Variants in RALGAPA1 observed in about 807,000 individuals in gnomAD.
RALGAPA1 encodes Ral GTPase activating protein catalytic subunit alpha 1.
RALGAPA1 carries 52 observed loss-of-function variants against 269.6 expected under a neutral mutation model. The ratio of observed to expected loss-of-function variants is 0.19; its 90% CI spans 0.15 to 0.24. The LOEUF (loss-of-function observed/expected upper bound fraction) is 0.24, where lower values mean the gene tolerates loss of function less well. Among genes scored for constraint, RALGAPA1 ranks in the 10% least tolerant of loss-of-function variants. The pLI, the probability that RALGAPA1 is intolerant of heterozygous loss-of-function variation, is 1.00. For synonymous variants in RALGAPA1, 817 were observed against 1,008.3 expected, an observed-to-expected ratio of 0.81 and a Z score of 3.60; for missense variants, 1,917 against 3,013.9, an observed-to-expected ratio of 0.64 and a Z score of 8.52.
intron 21 of RALGAPA1, among the ~76,000 whole-genome samples, chr14:35,680,371 C>T (rs551918699): frequency 1.3e-5 from 2 of 151,782 alleles, no homozygotes; most frequent in African/African-American, 4.8e-5. Flanking sequence ...CCATGCCTGG[C>T]TAATTTTTTG....
At chr14:35,737,929 A>C (rs2071175749) in intron 12 of RALGAPA1, among the ~76,000 whole-genome samples, 2 of 149,836 alleles carry the variant, frequency 1.3e-5, no homozygotes, top group Admixed American at 6.7e-5. Flanking sequence ...CTCCACTAAA[A>C]ATACAAAAAT....
intron 1 of RALGAPA1, among the ~76,000 whole-genome samples, chr14:35,782,351 T>C (rs1028008481): frequency 2.0e-5 from 3 of 151,540 alleles, no homozygotes; most frequent in Admixed American, 1.3e-4. Flanking sequence ...TCTGTGTTCA[T>C]GAGTAAGACT....
intron 11 of RALGAPA1, among the ~76,000 whole-genome samples, chr14:35,741,595 T>C (rs917043413): frequency 1.3e-5 from 2 of 152,192 alleles, no homozygotes; most frequent in Admixed American, 6.6e-5. Context: ...GAATAAGCAT[T>C]ACTCAATCAT....
intron 40 of RALGAPA1, among the ~76,000 whole-genome samples, chr14:35,548,827 G>A (rs1348004606): frequency 2.0e-5 from 3 of 152,030 alleles, no homozygotes; most frequent in Non-Finnish European, 4.4e-5. Context: ...TATTTCTTTT[G>A]CAGATACTTC....
intron 29 of RALGAPA1, among the ~76,000 whole-genome samples, chr14:35,654,841 A>T (rs965021729): frequency 6.6e-6 from 1 of 152,160 alleles, no homozygotes; most frequent in African/African-American, 2.4e-5. Flanking sequence ...TGATCCTGAC[A>T]TTATGCTTAA....
chr14:35,718,244 G>C (rs1162629706), intron 16 of RALGAPA1, among the ~76,000 whole-genome samples: 6 of 152,092 alleles, frequency 3.9e-5, no homozygotes. Flanking sequence ...TACTTGCTTT[G>C]TTCACAACTA....
At chr14:35,761,539 CCT>C (rs1202213341) in intron 5 of RALGAPA1, among the ~76,000 whole-genome samples, 1 of 152,034 alleles carries the variant, frequency 6.6e-6, no homozygotes, top group Non-Finnish European at 1.5e-5. Flanking sequence ...TTATTTAAAA[CCT>C]CTCTGCAATT....
intron 18 of RALGAPA1, among the ~76,000 whole-genome samples, chr14:35,687,036 T>G (rs2065999472): frequency 6.6e-6 from 1 of 152,192 alleles, no homozygotes; most frequent in South Asian, 2.1e-4. Flanking sequence ...CAAAGAACGT[T>G]TGCAGGGAAT....
At chr14:35,784,893 G>T (rs1021162045) in intron 1 of RALGAPA1, among the ~76,000 whole-genome samples, 4 of 152,128 alleles carry the variant, frequency 2.6e-5, no homozygotes, top group African/African-American at 9.7e-5. Flanking sequence ...TCAAAATACA[G>T]TACTACTGGT....
chr14:35,603,962 T>G (rs1446604507), intron 36 of RALGAPA1, among the ~76,000 whole-genome samples: 1 of 152,082 alleles, frequency 6.6e-6, no homozygotes, highest in Non-Finnish European at 1.5e-5. Flanking sequence ...TAGTTAACAA[T>G]AATATATTAT....
intron 4 of RALGAPA1, chr14:35,766,053 G>C: frequency 7.4e-7 from 1 of 1,346,652 alleles, no homozygotes; most frequent in Admixed American, 1.7e-5. Context: ...AGGAAGCTCA[G>C]GTGGGAGTGC....
In RALGAPA1 at chr14:35,554,338, C is replaced by CTTT. The variant is rs869302363; in HGVS notation, c.7497-5107_7497-5105dup. Reference sequence around the variant, plus strand: ...CTTGTTCTTCTACTAAATACACTTTCTTTTTTTTTTTTTTTTTTTTTTTTT... The same window carrying CTTT: ...CTTGTTCTTCTACTAAATACACTTTCTTTTTTTTTTTTTTTTTTTTTTTTTTTT... On this transcript the variant is annotated intron_variant, in intron 39 of 41. Transcript: ENST00000680220. Among the ~76,000 whole-genome samples, 31 of 85,762 alleles carry CTTT rather than the reference C, an allele frequency of 3.6e-4. 1 individual carries two copies. The highest frequency in any genetic ancestry group is 4.9e-4 in the Admixed American group (4 of 8,120). 56.3% of individuals were successfully genotyped at this position (85,762 alleles called of 152,430 possible). A position where few individuals can be genotyped will look rare whatever the true frequency, so the allele number is the denominator to read the frequency against.
At chr14:35,721,013 C>G (rs2069368476) in intron 16 of RALGAPA1, among the ~76,000 whole-genome samples, 1 of 152,176 alleles carries the variant, frequency 6.6e-6, no homozygotes, top group Non-Finnish European at 1.5e-5. Flanking sequence ...AAAAAGCCCT[C>G]CTTATTTCTC....
intron 16 of RALGAPA1, among the ~76,000 whole-genome samples, chr14:35,701,913 T>A (rs752395548): frequency 3.3e-5 from 5 of 152,170 alleles, no homozygotes; most frequent in African/African-American, 1.2e-4. Flanking sequence ...TCTCCCAAAG[T>A]ACTGAGATTA....
chr14:35,629,626 C>T (rs962590978), intron 33 of RALGAPA1, among the ~76,000 whole-genome samples: 1 of 152,164 alleles, frequency 6.6e-6, no homozygotes, highest in Non-Finnish European at 1.5e-5. Flanking sequence ...GCCTCAGCCT[C>T]CCAAACAGCT....
At chr14:35,575,937 T>C (rs1276892488) in intron 37 of RALGAPA1, among the ~76,000 whole-genome samples, 1 of 152,170 alleles carries the variant, frequency 6.6e-6, no homozygotes, top group Admixed American at 6.6e-5. Flanking sequence ...AACATCTTAA[T>C]ACTAAGCTAA....
intron 37 of RALGAPA1, 30 bp from the exon 38 acceptor site, chr14:35,572,748 C>T (rs1471167861): frequency 2.6e-6 from 4 of 1,540,650 alleles, no homozygotes; most frequent in Admixed American, 3.8e-5. Context: ...ATTTATACTG[C>T]TTTAAAAGCT....
intron 17 of RALGAPA1, among the ~76,000 whole-genome samples, chr14:35,696,061 T>C (rs1219008324): frequency 1.3e-5 from 2 of 152,182 alleles, no homozygotes; most frequent in African/African-American, 2.4e-5. Flanking sequence ...ATTGACATAG[T>C]GCTAATGCCC....
At chr14:35,752,287 G>GTAAA in intron 7 of RALGAPA1, 125 bp from the exon 8 acceptor site, 1 of 1,081,386 alleles carries the variant, frequency 9.2e-7, no homozygotes. Flanking sequence ...TAAAGATCAT[G>GTAAA]ATACATAGCA....
Sources: gnomAD v4.1 joint callset for allele counts (sites outside exome capture counted in the v4.1 genomes callset) on GRCh38, gnomAD v4.1.1 for gene constraint, MANE v1.5 for transcripts, NCBI Gene and HGNC (gene_info 2026-07-23, HGNC 2026-07-21) for gene names.